The following CD86 variants were observed in gnomAD, a reference collection of about 807,000 sequenced individuals.
CD86 encodes T-lymphocyte activation antigen CD86.
A neutral mutation model predicts 32.1 loss-of-function variants in CD86; 11 were observed. The ratio of observed to expected loss-of-function variants is 0.34; its 90% CI spans 0.22 to 0.57. CD86 has a LOEUF of 0.57. CD86 is among the 20% of genes least tolerant of loss of function. CD86 has a pLI of 0.86. For synonymous variants in CD86, 137 were observed against 135.3 expected (o/e 1.01, Z -0.09); for missense variants, 359 against 398.4 (o/e 0.90, Z 0.84).
chr3:122,081,769 C>T (rs1007285573), intron 1 of CD86, among the ~76,000 whole-genome samples: 5 of 152,174 alleles, frequency 3.3e-5, no homozygotes, highest in Admixed American at 6.5e-5. Context: ...CAAGTTCTAA[C>T]ATGCAGGGTA....
chr3:122,106,383 C>G lies in CD86; in HGVS notation c.586C>G (p.Leu196Val), dbSNP rs944078793. The G allele has an allele frequency of 1.9e-5, 30 of 1,614,032 alleles. No homozygotes were observed. The highest frequency in any genetic ancestry group is 2.5e-5 in the Non-Finnish European group (29 of 1,179,896). The change falls in exon 4 of 7, where the codon CTG (leucine) becomes GTG (valine). Residue 196 changes from leucine (L) to valine (V), a missense_variant. Coordinates refer to ENST00000330540, the MANE Select transcript of CD86 (RefSeq NM_175862.5). Reference sequence around the variant, plus strand: ...GAAATCTCAAGATAATGTCACAGAACTGTACGACGTTTCCATCAGCTTGTC... The same window carrying G: ...GAAATCTCAAGATAATGTCACAGAAGTGTACGACGTTTCCATCAGCTTGTC... ...MQKSQDNVTE[L>V]YDVSISLSVS...
At chr3:122,067,335 T>C (rs771428374) in intron 1 of CD86, among the ~76,000 whole-genome samples, 1 of 152,192 alleles carries the variant, frequency 6.6e-6, no homozygotes, top group Non-Finnish European at 1.5e-5. Flanking sequence ...GCTGTTGCAA[T>C]CAATCGTCCA....
chr3:122,117,351 T>C (rs1482067689), intron 5 of CD86, among the ~76,000 whole-genome samples: 1 of 152,224 alleles, frequency 6.6e-6, no homozygotes, highest in Non-Finnish European at 1.5e-5. Flanking sequence ...TGTTCAAGAA[T>C]GCTCTATTTA....
intron 3 of CD86, among the ~76,000 whole-genome samples, chr3:122,105,584 A>G (rs1038441902): frequency 7.9e-5 from 12 of 152,336 alleles, no homozygotes; most frequent in Non-Finnish European, 1.6e-4. Flanking sequence ...TATTAAGATC[A>G]TGTATTTTTC....
In CD86 at chr3:122,055,482, C is replaced by T. The variant is rs749638145; in HGVS notation, c.-8C>T. On this transcript the variant is annotated 5_prime_UTR_variant, in exon 1 of 7. Coordinates refer to ENST00000330540, the MANE Select transcript of CD86 (RefSeq NM_175862.5). The stretch of plus-strand genomic sequence containing the variant: ...TCCAGATATTAGGTCACAGCAGAAG[C>T]AGCCAAAATGGATCCCCAGTGGTGA... 2 of 1,613,792 alleles carry T rather than the reference C, an allele frequency of 1.2e-6. No homozygotes were observed. The highest frequency in any genetic ancestry group is 8.5e-7 in the Non-Finnish European group (1 of 1,179,768).
intron 1 of CD86, among the ~76,000 whole-genome samples, chr3:122,078,888 C>G (rs544648932): frequency 2.3e-4 from 35 of 152,296 alleles, no homozygotes; most frequent in African/African-American, 7.9e-4. Flanking sequence ...TACTAAAATG[C>G]GTCTATTTAT....
intron 1 of CD86, among the ~76,000 whole-genome samples, chr3:122,056,068 T>C (rs2072229300): frequency 6.6e-6 from 1 of 152,210 alleles, no homozygotes; most frequent in African/African-American, 2.4e-5. Context: ...ATGTGCTGGG[T>C]ACTTTACTAG....
At chr3:122,070,147 T>C (rs1174592483) in intron 1 of CD86, among the ~76,000 whole-genome samples, 1 of 152,212 alleles carries the variant, frequency 6.6e-6, no homozygotes, top group African/African-American at 2.4e-5. Context: ...ACTTGTAGAA[T>C]CCTGAAAATA....
intron 5 of CD86, among the ~76,000 whole-genome samples, chr3:122,110,526 T>C (rs188206694): frequency 2.6e-5 from 4 of 152,334 alleles, no homozygotes; most frequent in East Asian, 3.9e-4. Context: ...TTTTTCAGTA[T>C]ACTGATTTTA....
intron 5 of CD86, among the ~76,000 whole-genome samples, chr3:122,116,028 G>T (rs1462029312): frequency 1.3e-5 from 2 of 151,950 alleles, no homozygotes; most frequent in Non-Finnish European, 2.9e-5. Context: ...TATATATTAA[G>T]AATTAAAATG....
chr3:122,060,722 A>G (rs1284776011), intron 1 of CD86, among the ~76,000 whole-genome samples: 2 of 152,216 alleles, frequency 1.3e-5, no homozygotes, highest in Non-Finnish European at 2.9e-5. Context: ...GGATTTCTGG[A>G]AGAAAATAAT....
intron 1 of CD86, among the ~76,000 whole-genome samples, chr3:122,062,150 T>C (rs1018100313): frequency 6.6e-6 from 1 of 152,066 alleles, no homozygotes; most frequent in Admixed American, 6.5e-5. Flanking sequence ...AAATGCCAAT[T>C]CAAACACAAG....
At chr3:122,065,828 C>T (rs1221388146) in intron 1 of CD86, among the ~76,000 whole-genome samples, 1 of 151,918 alleles carries the variant, frequency 6.6e-6, no homozygotes, top group African/African-American at 2.4e-5. Flanking sequence ...TCTCCAAGAT[C>T]TCTGGGTGTT....
At chr3:122,061,480 C>T (rs1268795762) in intron 1 of CD86, among the ~76,000 whole-genome samples, 1 of 152,052 alleles carries the variant, frequency 6.6e-6, no homozygotes, top group Non-Finnish European at 1.5e-5. Flanking sequence ...AATTCAAACA[C>T]CAATGAGATA....
intron 1 of CD86, among the ~76,000 whole-genome samples, chr3:122,076,739 A>G (rs772748017): frequency 1.3e-5 from 2 of 152,250 alleles, no homozygotes; most frequent in African/African-American, 4.8e-5. Context: ...GAAAGTAATA[A>G]TGAAGATGAA....
rs2072824052 is a variant in CD86, at chr3:122,091,605, A to G, written c.19A>G (p.Met7Val). The G allele has an allele frequency of 1.9e-6, 3 of 1,610,568 alleles. No homozygotes were observed. Among genetic ancestry groups the G allele is most frequent in the Admixed American group, 1.7e-5 (1 of 59,934 alleles). MDPQCT[M>V]GLSNILFVMA... Reference sequence around the variant, plus strand: ...CTTTTTTTTTCTCGACTCTAGCACTATGGGACTGAGTAACATTCTCTTTGT... The same window carrying G: ...CTTTTTTTTTCTCGACTCTAGCACTGTGGGACTGAGTAACATTCTCTTTGT... Residue 7 changes from methionine (M) to valine (V), a missense_variant, in exon 2 of 7, where the codon ATG becomes GTG. Met to Val is a conservative substitution (Grantham distance 21). Coordinates refer to ENST00000330540, the MANE Select transcript of CD86 (RefSeq NM_175862.5).
rs1219593234 is a variant in CD86, at chr3:122,118,835, A to G, written c.894-603A>G. ...ATGTTGAAAGAATGATTGATGCATGATGAATACATAAAAGTTCGTGGTGAT... is the reference window on the plus strand; with the variant it reads ...ATGTTGAAAGAATGATTGATGCATGGTGAATACATAAAAGTTCGTGGTGAT... On this transcript the variant is annotated intron_variant, in intron 6 of 6. Coordinates refer to ENST00000330540, the MANE Select transcript of CD86 (RefSeq NM_175862.5). 2.0e-5 allele frequency among the ~76,000 whole-genome samples: 3 copies of G among 152,202 alleles called. No homozygotes were observed. The East Asian group carries it at 5.8e-4, about 29-fold the overall frequency.
At chr3:122,064,685 T>C (rs2072388926) in intron 1 of CD86, among the ~76,000 whole-genome samples, 1 of 152,176 alleles carries the variant, frequency 6.6e-6, no homozygotes, top group Non-Finnish European at 1.5e-5. Flanking sequence ...TCCTAATATT[T>C]ATATAATAGC....
At chr3:122,114,458 G>A (rs1168727530) in intron 5 of CD86, among the ~76,000 whole-genome samples, 1 of 152,030 alleles carries the variant, frequency 6.6e-6, no homozygotes, top group African/African-American at 2.4e-5. Context: ...CCTGAGTGAA[G>A]GAAAGAAAAA....
Sources: gnomAD v4.1 joint callset for allele counts (sites outside exome capture counted in the v4.1 genomes callset) on GRCh38, gnomAD v4.1.1 for gene constraint, MANE v1.5 for transcripts, NCBI Gene and HGNC (gene_info 2026-07-23, HGNC 2026-07-21) for gene names.